FAP: variants seen among roughly 807,000 people sequenced by gnomAD.
FAP encodes fibroblast activation protein alpha.
Under a neutral mutation model 126.5 loss-of-function variants are expected in FAP, and 110 were observed. That is an observed-to-expected ratio of 0.87 (90% confidence interval 0.74 to 1.02). The LOEUF is 1.02. FAP is among the 50% of genes least tolerant of loss of function. The probability of loss-of-function intolerance (pLI) is 0.00; values close to 1 mark genes in which losing one functional copy is unlikely to be tolerated. For missense variants in FAP, 919 were observed against 909.2 expected, an observed-to-expected ratio of 1.01 and a Z score of -0.14; for synonymous variants, 334 against 297.3, an observed-to-expected ratio of 1.12 and a Z score of -1.27.
At chr2:162,219,360 A>T (rs978675905) in intron 7 of FAP, among the ~76,000 whole-genome samples, 177 bp from the exon 8 acceptor site, 1 of 152,190 alleles carries the variant, frequency 6.6e-6, no homozygotes, top group Admixed American at 6.5e-5. Flanking sequence ...AACATCAATT[A>T]TGAATTTTAA....
At chr2:162,208,295 T>C (rs1164610433) in intron 12 of FAP, among the ~76,000 whole-genome samples, 1 of 151,974 alleles carries the variant, frequency 6.6e-6, no homozygotes, top group Non-Finnish European at 1.5e-5. Context: ...GGCAATTCAT[T>C]CATTCATTCA....
Position 162,206,400 on chromosome 2 carries a change from T to C in FAP, c.1048-3255A>G, listed in dbSNP as rs78894777. On this transcript the variant is annotated intron_variant, in intron 12 of 25. Transcript: ENST00000188790. The stretch of plus-strand genomic sequence containing the variant: ...CATTTAAAATATTTTACCTGGAAGG[T>C]GACATTATTTACCGCCATGTAATAT... 2.3e-4 allele frequency among the ~76,000 whole-genome samples: 35 copies of C among 152,340 alleles called. No individual in the cohort carries two copies. The Middle Eastern group carries it at 0.02, about 89-fold the overall frequency.
intron 10 of FAP, among the ~76,000 whole-genome samples, chr2:162,214,488 C>T (rs1689092228): frequency 6.6e-6 from 1 of 151,776 alleles, no homozygotes; most frequent in Non-Finnish European, 1.5e-5. Context: ...CTTTGTCTCT[C>T]AGCAGATTCA....
chr2:162,170,799 T>C lies in FAP; in HGVS notation c.*180A>G, dbSNP rs188117057. On this transcript the variant is annotated 3_prime_UTR_variant, in exon 26 of 26. Coordinates refer to ENST00000188790, the MANE Select transcript of FAP (RefSeq NM_004460.5). ...TCTTCTTTCACAGAGTACCAGAAAA[T>C]GTAAACAATATTTAGCTTGAACTTC... The C allele has an allele frequency of 1.6e-5, 9 of 549,716 alleles. No individual in the cohort carries two copies. The highest frequency in any genetic ancestry group is 1.6e-4 in the Admixed American group (5 of 30,670). The allele number at this position is 549,716 out of a possible 1,614,324, so 34.1% of individuals were successfully genotyped here. A position where few individuals can be genotyped will look rare whatever the true frequency, so the allele number is the denominator to read the frequency against.
intron 21 of FAP, chr2:162,175,415 A>T (rs1687452019): frequency 6.5e-6 from 1 of 152,994 alleles, no homozygotes; most frequent in Non-Finnish European, 1.5e-5. Context: ...TGTGAGGCAG[A>T]ACATGTATCT....
At chr2:162,243,267 G>T in intron 1 of FAP, 55 bp downstream of exon 1, 1 of 1,341,588 alleles carries the variant, frequency 7.5e-7, no homozygotes, top group Non-Finnish European at 1.1e-6. Context: ...CTCTGATCAC[G>T]TTCAATCCAG....
intron 11 of FAP, among the ~76,000 whole-genome samples, chr2:162,211,537 A>T (rs1247654827): frequency 6.6e-6 from 1 of 152,214 alleles, no homozygotes; most frequent in African/African-American, 2.4e-5. Flanking sequence ...GAGAACCATG[A>T]GAGGGTGTAC....
chr2:162,173,037 T>C (rs890492998), intron 24 of FAP, 112 bp downstream of exon 24: 1 of 1,157,014 alleles, frequency 8.6e-7, no homozygotes, highest in Non-Finnish European at 1.3e-6. Flanking sequence ...GAAATGTCCC[T>C]GACTCTTAGG....
intron 11 of FAP, 109 bp from the exon 12 acceptor site, chr2:162,210,105 A>T: frequency 1.2e-6 from 1 of 824,340 alleles, no homozygotes; most frequent in Non-Finnish European, 2.0e-6. Flanking sequence ...GTATACCATT[A>T]CTAGTCAACT....
Position 162,189,093 on chromosome 2 carries a change from T to G in FAP, c.1619+10A>C, listed in dbSNP as rs1255450507. The G allele has an allele frequency of 3.9e-6, 6 of 1,544,420 alleles. No individual in the cohort carries two copies. The highest frequency in any genetic ancestry group is 1.7e-4 in the Middle Eastern group (1 of 5,894). On this transcript the variant is annotated intron_variant, in intron 19 of 25. Transcript: ENST00000188790. The stretch of plus-strand genomic sequence containing the variant: ...TAAATAGTTTTTACACCAAAGAAAA[T>G]ATTACATACACTTGAATTAGCAAGG...
chr2:162,243,161 A>G, intron 1 of FAP, 161 bp downstream of exon 1: 2 of 789,392 alleles, frequency 2.5e-6, no homozygotes, highest in Non-Finnish European at 4.2e-6. Context: ...GCAAGGACAA[A>G]TGTTTCTACA....
At chr2:162,200,452 A>G (rs1688451563) in intron 15 of FAP, 114 bp downstream of exon 15, 1 of 623,526 alleles carries the variant, frequency 1.6e-6, no homozygotes, top group Non-Finnish European at 2.8e-6. Flanking sequence ...AAATTCATAA[A>G]TGATTTTTAT....
At chr2:162,172,174 A>C (rs545176205) in intron 25 of FAP, 21 of 152,232 alleles carry the variant, frequency 1.4e-4, no homozygotes, top group African/African-American at 5.1e-4. Context: ...TTGTGAGAGG[A>C]AAAGGTAGCT....
chr2:162,228,478 T>C (rs1286288503), intron 2 of FAP, among the ~76,000 whole-genome samples: 1 of 152,226 alleles, frequency 6.6e-6, no homozygotes, highest in Admixed American at 6.5e-5. Context: ...GATGCATGTA[T>C]GCTCCACACT....
chr2:162,226,058 A>T (rs1393579187), intron 3 of FAP, among the ~76,000 whole-genome samples: 1 of 152,090 alleles, frequency 6.6e-6, no homozygotes, highest in Non-Finnish European at 1.5e-5. Flanking sequence ...CTCACTATTT[A>T]TTTGATTAGA....
intron 15 of FAP, 94 bp from the exon 16 acceptor site, chr2:162,198,975 A>C: frequency 9.7e-7 from 1 of 1,025,954 alleles, no homozygotes; most frequent in Non-Finnish European, 1.5e-6. Flanking sequence ...TTACATATTG[A>C]CATCAAACCC....
At chr2:162,220,449 T>C in intron 6 of FAP, among the ~76,000 whole-genome samples, 1 of 152,232 alleles carries the variant, frequency 6.6e-6, no homozygotes, top group Non-Finnish European at 1.5e-5. Flanking sequence ...GTATGTGCTC[T>C]TCTACATTCT....
intron 19 of FAP, among the ~76,000 whole-genome samples, chr2:162,188,733 T>C (rs1471415863): frequency 3.9e-5 from 6 of 152,010 alleles, no homozygotes; most frequent in Admixed American, 3.3e-4. Flanking sequence ...ATTTTGGGTG[T>C]GATTCCACTA....
chr2:162,220,288 C>G (rs541994329), intron 6 of FAP, among the ~76,000 whole-genome samples: 188 of 152,252 alleles, frequency 1.2e-3, no homozygotes, highest in African/African-American at 4.2e-3. Flanking sequence ...GCTGATAGAA[C>G]TTTTTAAGAC....
Sources: gnomAD v4.1 joint callset for allele counts (sites outside exome capture counted in the v4.1 genomes callset) on GRCh38, gnomAD v4.1.1 for gene constraint, MANE v1.5 for transcripts, NCBI Gene and HGNC (gene_info 2026-07-23, HGNC 2026-07-21) for gene names.